The following PALM2AKAP2 variants were observed in gnomAD, a reference collection of about 807,000 sequenced individuals.
The protein encoded by PALM2AKAP2 is PALM2 and AKAP2 fusion.
PALM2AKAP2 carries 37 observed loss-of-function variants against 71.5 expected under a neutral mutation model. That is an observed-to-expected ratio of 0.52 (90% CI 0.40 to 0.68). The LOEUF (loss-of-function observed/expected upper bound fraction) is 0.68. PALM2AKAP2 is among the 30% of genes least tolerant of loss of function. PALM2AKAP2 has a pLI of 0.00. For synonymous variants in PALM2AKAP2, 468 were observed against 478.8 expected (o/e 0.98, Z 0.29); for missense variants, 1,224 against 1,191.8 (o/e 1.03, Z -0.40).
At chr9:110,011,010 A>ATATAT (rs1417017283) in intron 6 of PALM2AKAP2, among the ~76,000 whole-genome samples, 344 of 88,782 alleles carry the variant, frequency 3.9e-3, no homozygotes, top group East Asian at 0.013. Flanking sequence ...AAAAAAAAAA[A>ATATAT]AAAAATATAT....
chr9:110,053,390 T>C (rs1833751164), intron 1 of PALM2AKAP2, among the ~76,000 whole-genome samples: 1 of 151,264 alleles, frequency 6.6e-6, no homozygotes, highest in Admixed American at 6.6e-5. Flanking sequence ...TAGCCAGGTG[T>C]GGTGGCAGGT....
intron 1 of PALM2AKAP2, among the ~76,000 whole-genome samples, chr9:109,758,042 C>T (rs919858144): frequency 6.6e-6 from 1 of 152,004 alleles, no homozygotes; most frequent in African/African-American, 2.4e-5. Flanking sequence ...CATATCTTTC[C>T]AGGGATAGTC....
chr9:109,829,728 T>C (rs1202268279), intron 1 of PALM2AKAP2, among the ~76,000 whole-genome samples: 2 of 152,054 alleles, frequency 1.3e-5, no homozygotes, highest in Non-Finnish European at 2.9e-5. Flanking sequence ...CAGTTCTCAT[T>C]GTCTTCAATT....
chr9:109,647,036 C>T lies in PALM2AKAP2; in HGVS notation c.5+6170C>T, dbSNP rs1343689371. ...CCATTCTCTCACTCATATCTCAGTTCCTAGAGGTGATTACCATGAACGCTT... is the reference window on the plus strand; with the variant it reads ...CCATTCTCTCACTCATATCTCAGTTTCTAGAGGTGATTACCATGAACGCTT... On this transcript the variant is annotated intron_variant, in intron 1 of 6. Transcript: ENST00000374531. Among the ~76,000 whole-genome samples the T allele has an allele frequency of 2.0e-5, 3 of 152,220 alleles. No individual in the cohort carries two copies. In the East Asian group the frequency reaches 5.8e-4, roughly 29 times the overall value.
chr9:109,645,670 A>G (rs1827140999), intron 1 of PALM2AKAP2, among the ~76,000 whole-genome samples: 1 of 149,440 alleles, frequency 6.7e-6, no homozygotes, highest in African/African-American at 2.5e-5. Context: ...CAAATATTGC[A>G]TGTTCTCATT....
intron 3 of PALM2AKAP2, among the ~76,000 whole-genome samples, chr9:109,905,345 T>C (rs1028682265): frequency 5.3e-5 from 8 of 152,054 alleles, no homozygotes; most frequent in Non-Finnish European, 8.8e-5. Flanking sequence ...GGGGCACGCA[T>C]GAGCCAGGGC....
chr9:109,962,519 G>C (rs1831869343), intron 6 of PALM2AKAP2, among the ~76,000 whole-genome samples: 1 of 152,072 alleles, frequency 6.6e-6, no homozygotes, highest in South Asian at 2.1e-4. Context: ...TTATTGTCTG[G>C]TACTTTACCA....
chr9:109,923,777 G>T lies in PALM2AKAP2; in HGVS notation c.300G>T (p.Gln100His), dbSNP rs374973856. The T allele has an allele frequency of 3.1e-6, 5 of 1,605,770 alleles. No homozygotes were observed. In the East Asian group the frequency reaches 6.7e-5, roughly 22 times the overall value. Reference sequence around the variant, plus strand: ...AAACGCTAGAAAGTGAAGAGTCCCAGATATCTGCCAAAGAGCAAATCATCC... The same window carrying T: ...AAACGCTAGAAAGTGAAGAGTCCCATATATCTGCCAAAGAGCAAATCATCC... Residue 100 changes from glutamine to histidine, a missense_variant, in exon 4 of 10, where the codon CAG becomes CAT. Physicochemically the swap from Gln to His is conservative, Grantham distance 24. Transcript: ENST00000302798.
chr9:109,691,907 C>CACATATATACATATAT, intron 1 of PALM2AKAP2, among the ~76,000 whole-genome samples: 1 of 69,880 alleles, frequency 1.4e-5, no homozygotes. Context: ...TATATACACA[C>CACATATATACATATAT]ACACATATAT....
At chr9:109,922,512 G>A (rs1314612160) in intron 3 of PALM2AKAP2, among the ~76,000 whole-genome samples, 1 of 142,112 alleles carries the variant, frequency 7.0e-6, no homozygotes, top group Non-Finnish European at 1.5e-5. Context: ...CACAGACTCA[G>A]CAGCAAAGCT....
chr9:110,137,063 G>A, exon 2 of PALM2AKAP2: 2 of 1,613,922 alleles, frequency 1.2e-6, no homozygotes, highest in Non-Finnish European at 1.7e-6. Context: ...GGCACAGCAG[G>A]AACAGTTGCT....
intron 2 of PALM2AKAP2, among the ~76,000 whole-genome samples, chr9:110,148,885 C>G (rs1014603089): frequency 1.3e-5 from 2 of 152,178 alleles, no homozygotes; most frequent in African/African-American, 2.4e-5. Flanking sequence ...CTTTTGGAAT[C>G]CCCATTCCTG....
Position 110,125,780 on chromosome 9 carries a change from T to C in PALM2AKAP2, c.157-10347T>C, listed in dbSNP as rs373793513. On this transcript the variant is annotated intron_variant, in intron 1 of 3. Transcript: ENST00000374525. ...ACTGGTGTCTTGCTTCTCTCTCTCT[T>C]TTTTTTTTTTTTGCAAATCTTGTAA... Among the ~76,000 whole-genome samples, 502 of 76,424 alleles carry C rather than the reference T, an allele frequency of 6.6e-3. 4 individuals are homozygous for C. The highest frequency in any genetic ancestry group is 0.022 in the African/African-American group (459 of 21,288). The allele number at this position is 76,424 out of a possible 152,430, so 50.1% of individuals were successfully genotyped here.
intron 7 of PALM2AKAP2, among the ~76,000 whole-genome samples, chr9:110,041,839 G>A (rs1246741676): frequency 1.3e-5 from 2 of 152,234 alleles, no homozygotes; most frequent in African/African-American, 4.8e-5. Context: ...GAATCAGATG[G>A]AAAGCTTAAG....
chr9:109,921,799 T>C (rs1419610944), intron 3 of PALM2AKAP2, among the ~76,000 whole-genome samples: 2 of 152,178 alleles, frequency 1.3e-5, no homozygotes, highest in African/African-American at 4.8e-5. Flanking sequence ...GGAGGCTAGA[T>C]ACCATGGGGA....
At chr9:110,077,820 C>A (rs1469259425) in intron 1 of PALM2AKAP2, among the ~76,000 whole-genome samples, 1 of 152,050 alleles carries the variant, frequency 6.6e-6, no homozygotes, top group Non-Finnish European at 1.5e-5. Context: ...TCGAGACCAG[C>A]CTGACCAACA....
chr9:109,643,761 C>A (rs373460284), intron 1 of PALM2AKAP2, among the ~76,000 whole-genome samples: 1 of 152,162 alleles, frequency 6.6e-6, no homozygotes, highest in Non-Finnish European at 1.5e-5. Context: ...TGCCCTACTT[C>A]GTTTGCTTCC....
chr9:109,845,150 T>C (rs568623289), intron 1 of PALM2AKAP2, among the ~76,000 whole-genome samples: 50 of 152,348 alleles, frequency 3.3e-4, no homozygotes, highest in African/African-American at 9.6e-4. Context: ...ATCCGTACTC[T>C]ATCCTCCTGA....
chr9:110,064,559 T>C (rs1395157517), intron 1 of PALM2AKAP2, among the ~76,000 whole-genome samples: 5 of 152,154 alleles, frequency 3.3e-5, no homozygotes, highest in African/African-American at 1.2e-4. Flanking sequence ...TAGTTAGTGG[T>C]ATGTCCTCAG....
Sources: gnomAD v4.1 joint callset for allele counts (sites outside exome capture counted in the v4.1 genomes callset) on GRCh38, gnomAD v4.1.1 for gene constraint, MANE v1.5 for transcripts, NCBI Gene and HGNC (gene_info 2026-07-23, HGNC 2026-07-21) for gene names.